SH3GL3: variants seen among roughly 807,000 people sequenced by gnomAD.
SH3GL3 encodes SH3 domain containing GRB2 like 3, endophilin A3.
SH3GL3 carries 33 observed loss-of-function variants against 47.7 expected under a neutral mutation model. The ratio of observed to expected loss-of-function variants is 0.69; its 90% CI spans 0.52 to 0.92. SH3GL3 has a LOEUF of 0.92. Among genes scored for constraint, SH3GL3 ranks in the 40% least tolerant of loss-of-function variants. The pLI, the probability that SH3GL3 is intolerant of heterozygous loss-of-function variation, is 0.00. For missense variants in SH3GL3, 363 were observed against 417.8 expected (o/e 0.87, Z 1.14); for synonymous variants, 155 against 148.8 (o/e 1.04, Z -0.30).
At chr15:83,480,060 C>T (rs1447943839) in intron 1 of SH3GL3, among the ~76,000 whole-genome samples, 1 of 152,132 alleles carries the variant, frequency 6.6e-6, no homozygotes, top group Non-Finnish European at 1.5e-5. Context: ...ACCATGTTTA[C>T]TGTGACATAA....
chr15:83,449,850 C>G lies in SH3GL3; in HGVS notation c.45+2272C>G, dbSNP rs1031651691. ...CTCAGTAGATATGTTTTAATATGTT[C>G]TAGAAGTCTTTCTAAAAAATCTTGC... On this transcript the variant is annotated intron_variant, in intron 1 of 8. Coordinates refer to ENST00000427482, the MANE Select transcript of SH3GL3 (RefSeq NM_003027.5). Among the ~76,000 whole-genome samples, 7 of 151,020 alleles carry G rather than the reference C, an allele frequency of 4.6e-5. No homozygotes were observed. In the East Asian group the frequency reaches 1.2e-3, roughly 25 times the overall value.
At chr15:83,520,688 T>A (rs1397856866) in intron 1 of SH3GL3, among the ~76,000 whole-genome samples, 1 of 152,146 alleles carries the variant, frequency 6.6e-6, no homozygotes, top group Non-Finnish European at 1.5e-5. Context: ...GTCTTCTTCG[T>A]TGAGTCTTAA....
intron 1 of SH3GL3, among the ~76,000 whole-genome samples, chr15:83,554,749 C>T (rs76186099): frequency 6.6e-6 from 1 of 152,272 alleles, no homozygotes; most frequent in Non-Finnish European, 1.5e-5. Context: ...TCTGCTGTTG[C>T]AGAAGAGAAA....
chr15:83,535,778 T>C (rs1056705808), intron 1 of SH3GL3, among the ~76,000 whole-genome samples: 3 of 152,240 alleles, frequency 2.0e-5, no homozygotes, highest in African/African-American at 7.2e-5. Flanking sequence ...GTCACACTCA[T>C]AGAGGCCTCC....
the SH3GL3 span, among the ~76,000 whole-genome samples, chr15:83,630,958 T>C: frequency 1.3e-5 from 2 of 152,104 alleles, no homozygotes; most frequent in Non-Finnish European, 2.9e-5. Flanking sequence ...GCAAGTCCCT[T>C]TCACCTATGA....
chr15:83,587,033 TCACAGA>T lies in SH3GL3; in HGVS notation c.678_683del (p.His226_Arg227del). The T allele has an allele frequency of 6.2e-7, 1 of 1,611,466 alleles. No individual in the cohort carries two copies. Among genetic ancestry groups the T allele is most frequent in the Non-Finnish European group, 8.5e-7 (1 of 1,178,836 alleles). Reference sequence around the variant, plus strand: ...TGTTCATAGAGGCAGCATTAGACTATCACAGACAGTCCACAGAGATTCTGCAGGAGC... The same window carrying T: ...TGTTCATAGAGGCAGCATTAGACTATCAGTCCACAGAGATTCTGCAGGAGC... On this transcript the variant is annotated inframe_deletion, in exon 7 of 9. Transcript: ENST00000427482.
intron 1 of SH3GL3, among the ~76,000 whole-genome samples, chr15:83,534,113 T>G (rs1222333730): frequency 2.0e-5 from 3 of 151,902 alleles, no homozygotes; most frequent in African/African-American, 7.3e-5. Flanking sequence ...CTTTAGGAGG[T>G]GATTAGGCCA....
At chr15:83,530,328 A>G (rs983271440) in intron 1 of SH3GL3, among the ~76,000 whole-genome samples, 3 of 152,052 alleles carry the variant, frequency 2.0e-5, no homozygotes, top group Non-Finnish European at 2.9e-5. Flanking sequence ...GACAGGAGTC[A>G]ATGGTGGGAA....
At chr15:83,479,745 C>T (rs572805662) in intron 1 of SH3GL3, among the ~76,000 whole-genome samples, 2 of 152,236 alleles carry the variant, frequency 1.3e-5, no homozygotes, top group African/African-American at 2.4e-5. Flanking sequence ...ATTGAGTCCT[C>T]GGGGCCATCA....
intron 3 of SH3GL3, 134 bp from the exon 4 acceptor site, chr15:83,568,395 A>G (rs117606513): frequency 4.8e-6 from 3 of 628,508 alleles, no homozygotes. Flanking sequence ...GTTCACACAC[A>G]ATTGTTTCAG....
chr15:83,449,782 G>A (rs2039646909), intron 1 of SH3GL3, among the ~76,000 whole-genome samples: 1 of 149,236 alleles, frequency 6.7e-6, no homozygotes. Context: ...AGGCATCACA[G>A]ATTCTCTCTG....
intron 1 of SH3GL3, among the ~76,000 whole-genome samples, chr15:83,489,860 T>C (rs2041789883): frequency 6.7e-6 from 1 of 149,876 alleles, no homozygotes. Context: ...GATAGATAGA[T>C]AGATAGATAG....
chr15:83,619,556 AC>A (rs1160475880), downstream of SH3GL3, among the ~76,000 whole-genome samples: 1 of 152,194 alleles, frequency 6.6e-6, no homozygotes, highest in Non-Finnish European at 1.5e-5. Context: ...CTGCACATGT[AC>A]CCTGGTACTT....
At chr15:83,525,879 G>T (rs1209862317) in intron 1 of SH3GL3, among the ~76,000 whole-genome samples, 1 of 152,092 alleles carries the variant, frequency 6.6e-6, no homozygotes, top group South Asian at 2.1e-4. Flanking sequence ...CTGTTGGTCT[G>T]TGTGACTATT....
chr15:83,606,444 A>G (rs2060517889), intron 8 of SH3GL3, among the ~76,000 whole-genome samples: 1 of 152,226 alleles, frequency 6.6e-6, no homozygotes, highest in South Asian at 2.1e-4. Context: ...ATAGAAATAT[A>G]TGCAATTTTT....
chr15:83,583,309 T>A (rs10152514), intron 6 of SH3GL3, among the ~76,000 whole-genome samples: 56,998 of 151,994 alleles, frequency 0.38, 11,198 homozygotes, highest in Non-Finnish European at 0.41. Context: ...CCAAGTCCCC[T>A]GGTAAGGGAT....
At chr15:83,600,328 A>G (rs1411283227) in intron 8 of SH3GL3, among the ~76,000 whole-genome samples, 1 of 152,204 alleles carries the variant, frequency 6.6e-6, no homozygotes, top group Non-Finnish European at 1.5e-5. Context: ...TTCAGGTCTT[A>G]GATTTAAGTC....
intron 1 of SH3GL3, among the ~76,000 whole-genome samples, chr15:83,541,284 T>A (rs956880575): frequency 2.7e-5 from 4 of 146,026 alleles, no homozygotes; most frequent in African/African-American, 1.0e-4. Context: ...TTCCTAGCAG[T>A]GGGATGGCTG....
At chr15:83,517,270 T>C (rs1408578771) in intron 1 of SH3GL3, among the ~76,000 whole-genome samples, 1 of 149,878 alleles carries the variant, frequency 6.7e-6, no homozygotes. Flanking sequence ...AGTGGCATAA[T>C]CTCTGCTCAC....
Sources: allele counts gnomAD v4.1 joint callset (sites outside exome capture counted in the v4.1 genomes callset), GRCh38; gene constraint gnomAD v4.1.1; transcripts MANE v1.5; gene names NCBI Gene and HGNC (gene_info 2026-07-23, HGNC 2026-07-21).